The following FAM200B variants were observed in gnomAD, a reference collection of about 807,000 sequenced individuals.
The protein encoded by FAM200B is protein FAM200B.
In FAM200B, 32 loss-of-function variants were observed where a neutral mutation model predicts 33.1. The observed-to-expected ratio is 0.97, with a 90% confidence interval of 0.73 to 1.30. The LOEUF (loss-of-function observed/expected upper bound fraction) is 1.30, where lower values mean the gene tolerates loss of function less well. Ranked by LOEUF, FAM200B falls within the 50% of genes most tolerant of loss-of-function variation. The pLI, the probability that FAM200B is intolerant of heterozygous loss-of-function variation, is 0.00. For missense variants in FAM200B, 741 were observed against 754.0 expected (o/e 0.98, Z 0.20); for synonymous variants, 240 against 264.8 (o/e 0.91, Z 0.91).
the FAM200B span, among the ~76,000 whole-genome samples, chr4:15,653,512 A>G: frequency 2.0e-4 from 30 of 152,272 alleles, no homozygotes; most frequent in Non-Finnish European, 3.1e-4. Context: ...CAAACACCCT[A>G]GGAAAATGGA....
the FAM200B span, among the ~76,000 whole-genome samples, chr4:15,650,657 CTTTCTT>C: frequency 6.0e-5 from 8 of 132,634 alleles, no homozygotes; most frequent in East Asian, 2.3e-4. Flanking sequence ...TTATAACTGA[CTTTCTT>C]TTTTTTTTTT....
upstream of FAM200B, among the ~76,000 whole-genome samples, chr4:15,679,100 C>T (rs1226298400): frequency 7.1e-6 from 1 of 141,626 alleles, no homozygotes; most frequent in Non-Finnish European, 1.5e-5. Flanking sequence ...GAGTCTCACT[C>T]TCACCAGGCT....
chr4:15,640,660 A>G, the FAM200B span: 13 of 457,848 alleles, frequency 2.8e-5, no homozygotes, highest in African/African-American at 2.4e-4. Context: ...TTTTTCCCAA[A>G]AAGAACTGCG....
the FAM200B span, among the ~76,000 whole-genome samples, chr4:15,639,774 T>C: frequency 6.6e-6 from 1 of 152,198 alleles, no homozygotes; most frequent in Non-Finnish European, 1.5e-5. Flanking sequence ...CTGATGTAAT[T>C]TGTCTGAAAA....
Position 15,687,771 on chromosome 4 carries a change from C to G in FAM200B, c.794C>G (p.Ser265Ter). Residue 265 changes from serine (S) to a stop codon, truncating the protein, a stop_gained, in exon 2 of 2, where the codon TCA becomes TGA. Coordinates refer to ENST00000422728, the MANE Select transcript of FAM200B (RefSeq NM_001145191.2). LOFTEE classifies it high-confidence loss of function. ...EDFLCFLNLT[S>*]HLSGLDIFTE... ...TTTTTGTGTTTTTTAAATTTAACCT[C>G]ACACCTAAGTGGATTAGATATTTTT... The G allele has an allele frequency of 6.5e-7, 1 of 1,550,374 alleles. No individual in the cohort carries two copies.
intron 1 of FAM200B, among the ~76,000 whole-genome samples, chr4:15,682,425 A>T (rs756277814): frequency 2.0e-5 from 3 of 152,212 alleles, no homozygotes; most frequent in Non-Finnish European, 4.4e-5. Context: ...ACTGAATTGG[A>T]GAAATAAATG....
At chr4:15,658,600 G>C in the FAM200B span, among the ~76,000 whole-genome samples, 1 of 152,078 alleles carries the variant, frequency 6.6e-6, no homozygotes, top group Non-Finnish European at 1.5e-5. Flanking sequence ...GCACTGCCTT[G>C]GGACTCTGCA....
At chr4:15,653,010 T>C in the FAM200B span, among the ~76,000 whole-genome samples, 4 of 152,288 alleles carry the variant, frequency 2.6e-5, no homozygotes, top group Admixed American at 1.3e-4. Flanking sequence ...CATTACAAAA[T>C]ACTTATTTTC....
rs1374905567 is a variant in FAM200B, at chr4:15,688,010, G to A, written c.1033G>A (p.Val345Ile). Reference sequence around the variant, plus strand: ...AGAAATTCCACAGAATCTCATGGAGGTATTGAAAAATGCAGTGAAAGTTGT... The same window carrying A: ...AGAAATTCCACAGAATCTCATGGAGATATTGAAAAATGCAGTGAAAGTTGT... ...SREIPQNLME[V>I]LKNAVKVVNF... The change falls in exon 2 of 2, where the codon GTA becomes ATA. Residue 345 changes from valine to isoleucine, a missense_variant. Transcript: ENST00000422728. The A allele has an allele frequency of 6.4e-7, 1 of 1,550,826 alleles. No homozygotes were observed. Among genetic ancestry groups the A allele is most frequent in the Non-Finnish European group, 8.7e-7 (1 of 1,146,346 alleles).
At position 15,688,099 on chromosome 4, in the gene FAM200B, A is replaced by G. The variant is rs1239735628; in HGVS notation, c.1122A>G (p.Gly374=). 6.4e-7 allele frequency: 1 copy of G among 1,551,186 alleles called. No homozygotes were observed. The highest frequency in any genetic ancestry group is 1.4e-5 in the African/African-American group (1 of 73,002). ...RLLETFCSEI[G]TNHTHLLYHT... ...TTGAAACATTTTGTTCAGAGATTGG[A>G]ACTAATCATACCCACTTACTATATC... Residue 374 remains glycine (G), a synonymous_variant, in exon 2 of 2, where the codon GGA becomes GGG. Transcript: ENST00000422728.
At chr4:15,673,221 C>T in the FAM200B span, among the ~76,000 whole-genome samples, 1 of 152,164 alleles carries the variant, frequency 6.6e-6, no homozygotes, top group Non-Finnish European at 1.5e-5. Flanking sequence ...AGCTGGATCG[C>T]TTGAGCCCAC....
At position 15,686,920 on chromosome 4, in the gene FAM200B, T is replaced by C; in HGVS notation, c.-58T>C. ...TTTAGACTGTATATTTTTTTCTTCT[T>C]TTTTGAGTTAGTGCCAATTATAACA... On this transcript the variant is annotated 5_prime_UTR_variant, in exon 2 of 2. Transcript: ENST00000422728. 1 of 918,354 alleles carries C rather than the reference T, an allele frequency of 1.1e-6. No individual in the cohort carries two copies. Among genetic ancestry groups the C allele is most frequent in the Non-Finnish European group, 1.6e-6 (1 of 645,008 alleles). 56.9% of individuals were successfully genotyped at this position (918,354 alleles called of 1,614,324 possible).
chr4:15,638,721 A>G, the FAM200B span: 5 of 1,411,656 alleles, frequency 3.5e-6, 1 homozygote, highest in Non-Finnish European at 4.9e-6. Context: ...ATTCACGAGG[A>G]AAGATGCTTC....
the FAM200B span, among the ~76,000 whole-genome samples, chr4:15,637,902 T>TTAA: frequency 6.9e-5 from 10 of 144,796 alleles, no homozygotes; most frequent in African/African-American, 1.0e-4. Flanking sequence ...CTAGTTTTTT[T>TTAA]AAAAAAAAAA....
chr4:15,638,032 T>C, the FAM200B span, among the ~76,000 whole-genome samples: 1 of 151,498 alleles, frequency 6.6e-6, no homozygotes. Flanking sequence ...GAAAAAATAA[T>C]ACATAGGAAA....
At chr4:15,655,537 G>C in the FAM200B span, 1 of 249,756 alleles carries the variant, frequency 4.0e-6, no homozygotes, top group Non-Finnish European at 6.4e-6. Context: ...TTCGTTTTTT[G>C]TCGTCTTCAT....
chr4:15,651,180 GCTGATCAAATTTA>G, the FAM200B span, among the ~76,000 whole-genome samples: 1 of 152,142 alleles, frequency 6.6e-6, no homozygotes, highest in Non-Finnish European at 1.5e-5. Flanking sequence ...TTAGTAAGTA[GCTGATCAAATTTA>G]CAGATGGAAA....
At chr4:15,655,334 C>G in the FAM200B span, 1 of 1,320,230 alleles carries the variant, frequency 7.6e-7, no homozygotes, top group Non-Finnish European at 1.0e-6. Flanking sequence ...CGCCGCCTCT[C>G]CATAGACACC....
the FAM200B span, among the ~76,000 whole-genome samples, chr4:15,664,933 A>T: frequency 1.3e-5 from 2 of 152,110 alleles, no homozygotes; most frequent in African/African-American, 4.8e-5. Context: ...TATCATTAAT[A>T]TGTGAATCTT....
Sources: allele counts gnomAD v4.1 joint callset (sites outside exome capture counted in the v4.1 genomes callset), GRCh38; gene constraint gnomAD v4.1.1; transcripts MANE v1.5; gene names NCBI Gene and HGNC (gene_info 2026-07-23, HGNC 2026-07-21).